ABCC2: variants seen among roughly 807,000 people sequenced by gnomAD.
The protein encoded by ABCC2 is ATP binding cassette subfamily C member 2.
A neutral mutation model predicts 173.4 loss-of-function variants in ABCC2; 157 were observed. The ratio of observed to expected loss-of-function variants is 0.91; its 90% CI spans 0.80 to 1.03. The LOEUF (loss-of-function observed/expected upper bound fraction) is 1.03, where lower values mean the gene tolerates loss of function less well. Among genes scored for constraint, ABCC2 ranks in the 50% least tolerant of loss-of-function variants. The probability of loss-of-function intolerance (pLI) is 0.00; values close to 1 mark genes in which losing one functional copy is unlikely to be tolerated. For synonymous variants in ABCC2, 657 were observed against 693.5 expected (o/e 0.95, Z 0.83); for missense variants, 1,822 against 1,852.3 (o/e 0.98, Z 0.30).
At position 99,819,195 on chromosome 10, in the gene ABCC2, T is replaced by G. The variant is rs17222617; in HGVS notation, c.2546T>G (p.Leu849Arg). The change falls in exon 19 of 32, where the codon CTG becomes CGG. Residue 849 changes from leucine (L) to arginine (R), a missense_variant. Physicochemically the swap from Leu to Arg is moderately radical, Grantham distance 102. Coordinates refer to ENST00000647814, the MANE Select transcript of ABCC2 (RefSeq NM_000392.5). ...GAGAAAGGATCCTACAGTGCTCTCCTGGCCAAAAAAGGAGAGTTTGCTAAG... is the reference window on the plus strand; with the variant it reads ...GAGAAAGGATCCTACAGTGCTCTCCGGGCCAAAAAAGGAGAGTTTGCTAAG... ...IVEKGSYSALLAKKGEFAKNL... is the reference protein window; with the variant it reads ...IVEKGSYSALRAKKGEFAKNL... The G allele has an allele frequency of 0.017, 27,059 of 1,614,074 alleles. 320 individuals carry two copies. Among genetic ancestry groups the G allele is most frequent in the Non-Finnish European group, 0.018 (21,289 of 1,179,988 alleles).
intron 13 of ABCC2, among the ~76,000 whole-genome samples, chr10:99,809,456 G>A (rs1237523546): frequency 6.6e-6 from 1 of 152,226 alleles, no homozygotes; most frequent in Non-Finnish European, 1.5e-5. Flanking sequence ...CAGTTAAGTG[G>A]TTCTATAGCC....
intron 2 of ABCC2, among the ~76,000 whole-genome samples, chr10:99,791,941 C>G (rs1172289565): frequency 6.6e-5 from 10 of 152,160 alleles, no homozygotes. Context: ...AGTCCCCAGC[C>G]CACACTCAAG....
At chr10:99,796,034 T>C (rs1289378960) in intron 6 of ABCC2, among the ~76,000 whole-genome samples, 3 of 152,070 alleles carry the variant, frequency 2.0e-5, no homozygotes, top group African/African-American at 4.8e-5. Context: ...TCCATCCATA[T>C]TCTCAAACTC....
intron 16 of ABCC2, among the ~76,000 whole-genome samples, chr10:99,813,430 T>C (rs2038251912): frequency 6.6e-6 from 1 of 152,186 alleles, no homozygotes; most frequent in Non-Finnish European, 1.5e-5. Flanking sequence ...ATATAGGCAT[T>C]TCTGGCCAGG....
chr10:99,787,095 G>A lies in ABCC2; in HGVS notation c.207+2314G>A, dbSNP rs552170421. Among the ~76,000 whole-genome samples, 44 of 151,574 alleles carry A rather than the reference G, an allele frequency of 2.9e-4. No homozygotes were observed. The South Asian group carries it at 5.4e-3, about 19-fold the overall frequency. The stretch of plus-strand genomic sequence containing the variant: ...AGGCATAAGGATCACTTGAACCCGG[G>A]AGGTGGAGGTTACAGTGAGCCAAGA... On this transcript the variant is annotated intron_variant, in intron 2 of 31. Coordinates refer to ENST00000647814, the MANE Select transcript of ABCC2 (RefSeq NM_000392.5).
intron 10 of ABCC2, 143 bp downstream of exon 10, chr10:99,804,416 C>A: frequency 9.1e-7 from 1 of 1,100,938 alleles, no homozygotes; most frequent in Non-Finnish European, 1.3e-6. Context: ...ACTTAGCTGT[C>A]TCTGAGTTCC....
intron 29 of ABCC2, 51 bp from the exon 30 acceptor site, chr10:99,846,910 G>C (rs748192911): frequency 2.5e-6 from 4 of 1,610,510 alleles, no homozygotes; most frequent in Non-Finnish European, 3.4e-6. Flanking sequence ...GGAACTCCGA[G>C]GTCCTTTTCT....
intron 2 of ABCC2, among the ~76,000 whole-genome samples, chr10:99,791,638 G>A (rs2132964376): frequency 6.6e-6 from 1 of 152,298 alleles, no homozygotes; most frequent in African/African-American, 2.4e-5. Flanking sequence ...ACTGGCATGT[G>A]AAGTCTTGAC....
chr10:99,810,640 A>C (rs919553868), intron 14 of ABCC2, among the ~76,000 whole-genome samples: 9 of 152,218 alleles, frequency 5.9e-5, no homozygotes, highest in African/African-American at 2.2e-4. Flanking sequence ...AATTCATACA[A>C]GGGGACTGGG....
Position 99,842,021 on chromosome 10 carries a change from C to T in ABCC2, c.3669C>T (p.Ala1223=), listed in dbSNP as rs370563950. ...LVGNLTVFFS[A]LMMVIYRDTL... is the part of the protein sequence containing the mutation. ...GGAACCTGACTGTCTTCTTTTCAGC[C>T]TTGATGATGGTTATTTATAGAGATA... The change falls in exon 26 of 32, where the codon GCC becomes GCT. Residue 1223 remains alanine (A), a synonymous_variant. Transcript: ENST00000647814. 118 of 1,614,052 alleles carry T rather than the reference C, an allele frequency of 7.3e-5. No homozygotes were observed. The highest frequency in any genetic ancestry group is 9.8e-5 in the Non-Finnish European group (116 of 1,180,040).
chr10:99,798,850 A>C (rs992186535), intron 7 of ABCC2, among the ~76,000 whole-genome samples: 1 of 152,174 alleles, frequency 6.6e-6, no homozygotes, highest in Non-Finnish European at 1.5e-5. Flanking sequence ...ATCTCACAGC[A>C]ACCATGAAAA....
At chr10:99,833,452 G>A (rs1297714640) in intron 23 of ABCC2, among the ~76,000 whole-genome samples, 1 of 152,162 alleles carries the variant, frequency 6.6e-6, no homozygotes, top group Non-Finnish European at 1.5e-5. Flanking sequence ...TTTCGTTGGG[G>A]AGGTGGCTCA....
At position 99,804,233 on chromosome 10, in the gene ABCC2, C is replaced by A. The variant is rs1289129554; in HGVS notation, c.1424C>A (p.Pro475Gln). The A allele has an allele frequency of 6.2e-7, 1 of 1,613,964 alleles. No individual in the cohort carries two copies. Among genetic ancestry groups the A allele is most frequent in the Admixed American group, 1.7e-5 (1 of 60,006 alleles). The change falls in exon 10 of 32, where the codon CCA becomes CAA. Residue 475 changes from proline to glutamine, a missense_variant. By Grantham distance (76) the Pro-to-Gln change is moderately conservative. Coordinates refer to ENST00000647814, the MANE Select transcript of ABCC2 (RefSeq NM_000392.5). ...GTTGGGGTGATGGTGCTTGTAATCC[C>A]AATTAATGCGATACTGTCCACCAAG... ...AGVGVMVLVI[P>Q]INAILSTKSK... is the part of the protein sequence containing the mutation.
At chr10:99,839,332 C>G in intron 25 of ABCC2, among the ~76,000 whole-genome samples, 1 of 105,896 alleles carries the variant, frequency 9.4e-6, no homozygotes, top group Non-Finnish European at 2.1e-5. Context: ...CGCCCCTCAC[C>G]TCCCGGACAG....
At chr10:99,794,517 C>T (rs751440935) in intron 6 of ABCC2, 49 bp downstream of exon 6, 2 of 1,507,888 alleles carry the variant, frequency 1.3e-6, no homozygotes, top group Admixed American at 3.4e-5. Context: ...TCTCTCACTC[C>T]TCTGAAAGTG....
In ABCC2 at chr10:99,814,213, G is replaced by GCATACACACA. The variant is rs2038289299; in HGVS notation, c.2094+1069_2094+1070insCATACACACA. ...CACACATGTGTATATATACACACATGTGTATATATACACACATGTGTATAT... is the reference window on the plus strand; with the variant it reads ...CACACATGTGTATATATACACACATGCATACACACATGTATATATACACACATGTGTATAT... On this transcript the variant is annotated intron_variant, in intron 16 of 31. Coordinates refer to ENST00000647814, the MANE Select transcript of ABCC2 (RefSeq NM_000392.5). 3.7e-5 allele frequency among the ~76,000 whole-genome samples: 2 copies of GCATACACACA among 54,628 alleles called. 1 individual carries two copies. The highest frequency in any genetic ancestry group is 1.8e-4 in the African/African-American group (2 of 11,264). The allele number at this position is 54,628 out of a possible 152,430, so 35.8% of individuals were successfully genotyped here.
intron 24 of ABCC2, 44 bp from the exon 25 acceptor site, chr10:99,836,047 C>T (rs772628065): frequency 1.9e-6 from 3 of 1,598,756 alleles, no homozygotes; most frequent in African/African-American, 1.3e-5. Context: ...TGGTGGATGC[C>T]TCATGACTGC....
At position 99,845,694 on chromosome 10, in the gene ABCC2, C is replaced by T. The variant is rs754258307; in HGVS notation, c.4058C>T (p.Ala1353Val). 6 of 1,614,100 alleles carry T rather than the reference C, an allele frequency of 3.7e-6. No individual in the cohort carries two copies. In the South Asian group the frequency reaches 6.6e-5, roughly 18 times the overall value. ...LTNCLFRILE[A>V]AGGQIIIDGV... Reference sequence around the variant, plus strand: ...AACTGCCTCTTCAGAATCTTAGAGGCTGCCGGTGGTCAGATTATCATTGAT... The same window carrying T: ...AACTGCCTCTTCAGAATCTTAGAGGTTGCCGGTGGTCAGATTATCATTGAT... The change falls in exon 29 of 32, where the codon GCT becomes GTT. Residue 1353 changes from alanine (A) to valine (V), a missense_variant. Coordinates refer to ENST00000647814, the MANE Select transcript of ABCC2 (RefSeq NM_000392.5).
Position 99,850,693 on chromosome 10 carries a change from C to G in ABCC2, c.4405C>G (p.Leu1469Val), listed in dbSNP as rs1418295468. 6.2e-7 allele frequency: 1 copy of G among 1,614,220 alleles called. No individual in the cohort carries two copies. Among genetic ancestry groups the G allele is most frequent in the Non-Finnish European group, 8.5e-7 (1 of 1,180,026 alleles). ...VLDEATAAVD[L>V]ETDNLIQTTI... Reference sequence around the variant, plus strand: ...GGATGAGGCCACTGCTGCGGTGGATCTAGAGACAGACAACCTCATTCAGAC... The same window carrying G: ...GGATGAGGCCACTGCTGCGGTGGATGTAGAGACAGACAACCTCATTCAGAC... The change falls in exon 31 of 32, where the codon CTA becomes GTA. Residue 1469 changes from leucine (L) to valine (V), a missense_variant. Physicochemically the swap from Leu to Val is conservative, Grantham distance 32. Transcript: ENST00000647814.
Sources: allele counts gnomAD v4.1 joint callset (sites outside exome capture counted in the v4.1 genomes callset), GRCh38; gene constraint gnomAD v4.1.1; transcripts MANE v1.5; gene names NCBI Gene and HGNC (gene_info 2026-07-23, HGNC 2026-07-21).